MMP16: variants seen among roughly 807,000 people sequenced by gnomAD.
MMP16 encodes the protein matrix metallopeptidase 16, also known as matrix metalloproteinase-16.
A neutral mutation model predicts 67.8 loss-of-function variants in MMP16; 12 were observed. The ratio of observed to expected loss-of-function variants is 0.18; its 90% CI spans 0.11 to 0.29. MMP16 has a LOEUF of 0.29. Among genes scored for constraint, MMP16 ranks in the 10% least tolerant of loss-of-function variants. The pLI is 1.00. For synonymous variants in MMP16, 249 were observed against 255.9 expected, an observed-to-expected ratio of 0.97 and a Z score of 0.26; for missense variants, 475 against 765.7, an observed-to-expected ratio of 0.62 and a Z score of 4.48.
intron 1 of MMP16, among the ~76,000 whole-genome samples, chr8:88,203,505 A>G (rs1055750776): frequency 5.3e-5 from 8 of 152,180 alleles, no homozygotes; most frequent in African/African-American, 1.9e-4. Flanking sequence ...CTTTTACTTA[A>G]TATACAGACT....
At chr8:88,244,381 C>A (rs1439267844) in intron 1 of MMP16, among the ~76,000 whole-genome samples, 2 of 152,028 alleles carry the variant, frequency 1.3e-5, no homozygotes, top group Non-Finnish European at 2.9e-5. Flanking sequence ...ATGTAAAAGC[C>A]ATATCGAACT....
At chr8:88,257,150 A>G (rs1810316042) in intron 1 of MMP16, among the ~76,000 whole-genome samples, 1 of 152,204 alleles carries the variant, frequency 6.6e-6, no homozygotes, top group Non-Finnish European at 1.5e-5. Flanking sequence ...CACTTGATCT[A>G]TACTGAGTCT....
At chr8:88,186,336 G>T in intron 3 of MMP16, 140 bp downstream of exon 3, 2 of 1,110,486 alleles carry the variant, frequency 1.8e-6, no homozygotes, top group Non-Finnish European at 2.6e-6. Context: ...CCTCTCAATA[G>T]CAATTTTAAA....
At chr8:88,042,250 T>C (rs1426499899) in intron 9 of MMP16, among the ~76,000 whole-genome samples, 5 of 152,224 alleles carry the variant, frequency 3.3e-5, no homozygotes, top group South Asian at 2.1e-4. Context: ...CAATATATGA[T>C]AAAGTCGCTT....
intron 4 of MMP16, 55 bp downstream of exon 4, chr8:88,167,614 G>T (rs1481125341): frequency 5.5e-6 from 8 of 1,465,248 alleles, no homozygotes; most frequent in Non-Finnish European, 6.4e-6. Flanking sequence ...AAATCTCTTG[G>T]TTATTCTGAA....
chr8:88,072,898 C>A (rs1253624072), intron 7 of MMP16, among the ~76,000 whole-genome samples: 1 of 152,112 alleles, frequency 6.6e-6, no homozygotes, highest in Non-Finnish European at 1.5e-5. Flanking sequence ...GCCTTTTATG[C>A]TGGCTGTTGA....
intron 1 of MMP16, among the ~76,000 whole-genome samples, chr8:88,251,278 C>T (rs1432956344): frequency 6.6e-6 from 1 of 151,830 alleles, no homozygotes; most frequent in Admixed American, 6.6e-5. Context: ...CAGCATGGTA[C>T]TGGTACCAAA....
At chr8:88,125,189 A>AT (rs34226547) in intron 4 of MMP16, among the ~76,000 whole-genome samples, 69,474 of 144,640 alleles carry the variant, frequency 0.48, 16,493 homozygotes, top group East Asian at 0.52. Flanking sequence ...AGTCCTGGAG[A>AT]TTTTTTTTTT....
intron 1 of MMP16, among the ~76,000 whole-genome samples, chr8:88,246,630 A>C (rs910984385): frequency 2.6e-5 from 4 of 152,208 alleles, no homozygotes; most frequent in African/African-American, 9.7e-5. Context: ...TGAAGGATCC[A>C]GAATAGTATC....
chr8:88,183,710 T>TTA (rs1258962622), intron 3 of MMP16, among the ~76,000 whole-genome samples: 2 of 78,640 alleles, frequency 2.5e-5, no homozygotes, highest in African/African-American at 3.3e-5. Context: ...CAAAATGTCC[T>TTA]TCTTTTTTTT....
chr8:88,122,719 GAT>G (rs1807859843), intron 4 of MMP16, among the ~76,000 whole-genome samples: 1 of 151,554 alleles, frequency 6.6e-6, no homozygotes, highest in African/African-American at 2.4e-5. Context: ...AAGCTAAAGA[GAT>G]ATGTGGGAGC....
At chr8:88,270,271 A>G (rs1477902677) in intron 1 of MMP16, among the ~76,000 whole-genome samples, 1 of 152,200 alleles carries the variant, frequency 6.6e-6, no homozygotes, top group Non-Finnish European at 1.5e-5. Flanking sequence ...ATTTTAATAA[A>G]TTTTAGAAAT....
intron 6 of MMP16, among the ~76,000 whole-genome samples, chr8:88,108,773 G>C (rs911275470): frequency 6.6e-6 from 1 of 151,326 alleles, no homozygotes; most frequent in Non-Finnish European, 1.5e-5. Context: ...AATAATTTTT[G>C]CTTTGTAGAA....
intron 4 of MMP16, 140 bp downstream of exon 4, chr8:88,167,529 A>C (rs1808733917): frequency 2.6e-6 from 2 of 763,348 alleles, no homozygotes; most frequent in Middle Eastern, 3.8e-4. Flanking sequence ...CTAAAATGCT[A>C]TAAAATATGC....
chr8:88,312,279 C>G lies in MMP16; in HGVS notation c.132+14796G>C, dbSNP rs1179334644. Reference sequence around the variant, plus strand: ...ACATGGCCCAAAGCTAAGCCTTGATCACCCAATCTTTTATAGTTAGACATT... The same window carrying G: ...ACATGGCCCAAAGCTAAGCCTTGATGACCCAATCTTTTATAGTTAGACATT... On this transcript the variant is annotated intron_variant, in intron 1 of 9. Transcript: ENST00000286614. Among the ~76,000 whole-genome samples, 5 of 152,146 alleles carry G rather than the reference C, an allele frequency of 3.3e-5. No homozygotes were observed. In the East Asian group the frequency reaches 9.7e-4, roughly 29 times the overall value.
chr8:88,074,984 T>C (rs1808622916), intron 6 of MMP16, among the ~76,000 whole-genome samples: 1 of 152,156 alleles, frequency 6.6e-6, no homozygotes, highest in Non-Finnish European at 1.5e-5. Context: ...CTGAATCTTG[T>C]CATTTTACAT....
At chr8:88,203,938 T>C (rs935207856) in intron 1 of MMP16, among the ~76,000 whole-genome samples, 1 of 152,136 alleles carries the variant, frequency 6.6e-6, no homozygotes, top group South Asian at 2.1e-4. Context: ...AAGATAAAAG[T>C]GATGTTTTTC....
At chr8:88,256,593 C>A (rs1192127261) in intron 1 of MMP16, among the ~76,000 whole-genome samples, 1 of 151,770 alleles carries the variant, frequency 6.6e-6, no homozygotes, top group African/African-American at 2.4e-5. Context: ...CTGAAGGATG[C>A]ATATTTATTT....
At chr8:88,236,293 C>T (rs1027311039) in intron 1 of MMP16, among the ~76,000 whole-genome samples, 1 of 152,210 alleles carries the variant, frequency 6.6e-6, no homozygotes, top group Non-Finnish European at 1.5e-5. Context: ...GGTATGGCCT[C>T]AAAATCTATA....
Sources: allele counts gnomAD v4.1 joint callset (sites outside exome capture counted in the v4.1 genomes callset), GRCh38; gene constraint gnomAD v4.1.1; transcripts MANE v1.5; gene names NCBI Gene and HGNC (gene_info 2026-07-23, HGNC 2026-07-21).